Variants in PNPLA1 observed in about 807,000 individuals in gnomAD.
PNPLA1 encodes the protein omega-hydroxyceramide transacylase.
Under a neutral mutation model 51.7 loss-of-function variants are expected in PNPLA1, and 36 were observed. The ratio of observed to expected loss-of-function variants is 0.70; its 90% CI spans 0.53 to 0.92. The LOEUF is 0.92. PNPLA1 is among the 40% of genes least tolerant of loss of function. PNPLA1 has a pLI of 0.00. For synonymous variants in PNPLA1, 293 were observed against 280.1 expected, an observed-to-expected ratio of 1.05 and a Z score of -0.46; for missense variants, 658 against 682.5, an observed-to-expected ratio of 0.96 and a Z score of 0.40.
At chr6:36,246,542 TAGTTATATG>T (rs1239419502) in intron 1 of PNPLA1, among the ~76,000 whole-genome samples, 1 of 152,136 alleles carries the variant, frequency 6.6e-6, no homozygotes, top group African/African-American at 2.4e-5. Flanking sequence ...TCAATTACAT[TAGTTATATG>T]ATACTGATAA....
At chr6:36,290,417 G>A (rs2127343627) in intron 1 of PNPLA1, among the ~76,000 whole-genome samples, 1 of 152,286 alleles carries the variant, frequency 6.6e-6, no homozygotes, top group South Asian at 2.1e-4. Context: ...ACACATCCTA[G>A]GTTGAAATGC....
At chr6:36,285,026 G>A (rs924374207) in intron 1 of PNPLA1, among the ~76,000 whole-genome samples, 1 of 152,232 alleles carries the variant, frequency 6.6e-6, no homozygotes, top group African/African-American at 2.4e-5. Flanking sequence ...GGCTGTCACT[G>A]TGAGGATAAA....
chr6:36,282,092 G>GAAAGAAAGAAAAGAAAGAAA (rs59914317), intron 1 of PNPLA1, among the ~76,000 whole-genome samples: 4 of 40,746 alleles, frequency 9.8e-5, no homozygotes, highest in African/African-American at 4.7e-4. Flanking sequence ...AAAGAAAGAA[G>GAAAGAAAGAAAAGAAAGAAA]GAAGGAAGGA....
At chr6:36,289,245 TC>T (rs1488850213) in intron 1 of PNPLA1, among the ~76,000 whole-genome samples, 1 of 152,180 alleles carries the variant, frequency 6.6e-6, no homozygotes, top group Non-Finnish European at 1.5e-5. Flanking sequence ...GATCAGGCGT[TC>T]CTGGCTCTCA....
chr6:36,267,789 C>A (rs1044422430), upstream of PNPLA1, among the ~76,000 whole-genome samples: 1 of 152,088 alleles, frequency 6.6e-6, no homozygotes, highest in African/African-American at 2.4e-5. Context: ...ATCCCTGCCC[C>A]CCCCATGGAT....
chr6:36,279,097 GC>G (rs555860978), intron 1 of PNPLA1, among the ~76,000 whole-genome samples: 3 of 152,086 alleles, frequency 2.0e-5, no homozygotes, highest in South Asian at 2.1e-4. Context: ...AGGTGTAGTT[GC>G]CCCCCGGTGA....
chr6:36,251,945 C>CA (rs1178513410), intron 1 of PNPLA1, among the ~76,000 whole-genome samples: 4 of 150,566 alleles, frequency 2.7e-5, no homozygotes, highest in African/African-American at 9.8e-5. Flanking sequence ...ACCCTGTCTC[C>CA]AAAAAAACAA....
chr6:36,257,887 A>G (rs1167474514), intron 1 of PNPLA1, among the ~76,000 whole-genome samples: 1 of 152,214 alleles, frequency 6.6e-6, no homozygotes, highest in Non-Finnish European at 1.5e-5. Flanking sequence ...TCTTCTGAAA[A>G]GTATTACTGT....
At chr6:36,253,040 C>T (rs545570301) in intron 1 of PNPLA1, among the ~76,000 whole-genome samples, 66 of 152,208 alleles carry the variant, frequency 4.3e-4, no homozygotes, top group Non-Finnish European at 6.3e-4. Flanking sequence ...ATTAGCCGAG[C>T]GTGGTGGCAT....
In PNPLA1 at chr6:36,270,373, G is replaced by A; in HGVS notation, c.-87G>A. On this transcript the variant is annotated 5_prime_UTR_variant, in exon 1 of 9. Transcript: ENST00000636260. ...GGGTGGCAGGGAAGCTGGGTAGGGA[G>A]TTCCTACAGGGAGCGGCAGCCCAGG... is the stretch of plus-strand genomic sequence containing the variant. The A allele has an allele frequency of 4.3e-6, 6 of 1,380,122 alleles. No individual in the cohort carries two copies. Among genetic ancestry groups the A allele is most frequent in the South Asian group, 2.6e-5 (2 of 77,294 alleles). The allele number at this position is 1,380,122 out of a possible 1,614,324, so 85.5% of individuals were successfully genotyped here. A position where few individuals can be genotyped will look rare whatever the true frequency, so the allele number is the denominator to read the frequency against.
At chr6:36,309,160 C>T (rs1257287219) in intron 8 of PNPLA1, among the ~76,000 whole-genome samples, 1 of 152,152 alleles carries the variant, frequency 6.6e-6, no homozygotes. Flanking sequence ...AAGCAATGCA[C>T]TTGATGAGTG....
At chr6:36,261,247 T>A (rs982288535) in intron 1 of PNPLA1, among the ~76,000 whole-genome samples, 7 of 152,230 alleles carry the variant, frequency 4.6e-5, no homozygotes, top group Non-Finnish European at 8.8e-5. Flanking sequence ...TTTGCTATGA[T>A]AGAGAGCACT....
chr6:36,308,974 C>T (rs929239414), intron 8 of PNPLA1, among the ~76,000 whole-genome samples: 2 of 152,160 alleles, frequency 1.3e-5, no homozygotes, highest in Non-Finnish European at 2.9e-5. Context: ...AACAGACCTG[C>T]ACTGCTATAT....
At position 36,287,973 on chromosome 6, in the gene PNPLA1, C is replaced by G. The variant is rs1050706024; in HGVS notation, c.206-3347C>G. On this transcript the variant is annotated intron_variant, in intron 1 of 8. Transcript: ENST00000636260. ...ATAGCACCATTTTCAGATGTGAGTA[C>G]TTTGGAATGTCGACACTGTTTGCAT... 2.0e-5 allele frequency among the ~76,000 whole-genome samples: 3 copies of G among 152,178 alleles called. No homozygotes were observed. In the East Asian group the frequency reaches 5.8e-4, roughly 29 times the overall value.
intron 1 of PNPLA1, among the ~76,000 whole-genome samples, chr6:36,272,978 G>C (rs1389172987): frequency 6.6e-6 from 1 of 152,306 alleles, no homozygotes; most frequent in East Asian, 1.9e-4. Context: ...ATAGAGGCCA[G>C]TTGCAGTGGC....
intron 8 of PNPLA1, among the ~76,000 whole-genome samples, chr6:36,309,814 A>G (rs1441518466): frequency 1.3e-5 from 2 of 152,148 alleles, no homozygotes; most frequent in East Asian, 3.9e-4. Flanking sequence ...TAAGGGGTAG[A>G]AAAGAGAAGC....
chr6:36,250,452 T>C (rs141281332), intron 1 of PNPLA1, among the ~76,000 whole-genome samples: 1,747 of 152,278 alleles, frequency 0.011, 32 homozygotes, highest in African/African-American at 0.039. Flanking sequence ...CCAGCAGTTA[T>C]TGGGTGTTAG....
At chr6:36,281,903 C>T (rs1295129933) in intron 1 of PNPLA1, among the ~76,000 whole-genome samples, 3 of 151,700 alleles carry the variant, frequency 2.0e-5, no homozygotes, top group African/African-American at 7.3e-5. Flanking sequence ...CATCTGTAAT[C>T]CCAGCTACTC....
intron 1 of PNPLA1, among the ~76,000 whole-genome samples, chr6:36,289,178 T>C (rs73421630): frequency 1.2e-3 from 177 of 152,374 alleles, no homozygotes; most frequent in African/African-American, 3.8e-3. Flanking sequence ...GCATGTCTGA[T>C]TTTTGTAATA....
Sources: gnomAD v4.1 joint callset for allele counts (sites outside exome capture counted in the v4.1 genomes callset) on GRCh38, gnomAD v4.1.1 for gene constraint, MANE v1.5 for transcripts, NCBI Gene and HGNC (gene_info 2026-07-23, HGNC 2026-07-21) for gene names.